The following PLCB1 variants were observed in gnomAD, a reference collection of about 807,000 sequenced individuals.
The protein encoded by PLCB1 is 1-phosphatidylinositol 4,5-bisphosphate phosphodiesterase beta-1.
Under a neutral mutation model 161.8 loss-of-function variants are expected in PLCB1, and 46 were observed. That is an observed-to-expected ratio of 0.28 (90% confidence interval 0.22 to 0.36). The LOEUF (loss-of-function observed/expected upper bound fraction) is 0.36, where lower values mean the gene tolerates loss of function less well. PLCB1 is among the 10% of genes least tolerant of loss of function. The pLI, the probability that PLCB1 is intolerant of heterozygous loss-of-function variation, is 1.00. For missense variants in PLCB1, 1,016 were observed against 1,472.5 expected, an observed-to-expected ratio of 0.69 and a Z score of 5.07; for synonymous variants, 517 against 503.7, an observed-to-expected ratio of 1.03 and a Z score of -0.35.
intron 9 of PLCB1, among the ~76,000 whole-genome samples, chr20:8,661,773 G>C (rs1166678953): frequency 6.6e-6 from 1 of 150,406 alleles, no homozygotes; most frequent in African/African-American, 2.4e-5. Flanking sequence ...GAAGCACACA[G>C]TCTCTGGTGT....
chr20:8,403,547 G>A (rs1437182093), intron 3 of PLCB1, among the ~76,000 whole-genome samples: 1 of 152,188 alleles, frequency 6.6e-6, no homozygotes, highest in African/African-American at 2.4e-5. Flanking sequence ...AGGAAGATGG[G>A]CAAGGCTTCA....
intron 3 of PLCB1, among the ~76,000 whole-genome samples, chr20:8,591,093 G>A (rs1048089526): frequency 2.0e-5 from 3 of 152,050 alleles, no homozygotes; most frequent in African/African-American, 4.8e-5. Context: ...CTGTTCCTGC[G>A]TTAGTTTGCT....
intron 31 of PLCB1, among the ~76,000 whole-genome samples, chr20:8,801,671 T>TA (rs1984287054): frequency 6.6e-6 from 1 of 152,210 alleles, no homozygotes; most frequent in Admixed American, 6.5e-5. Flanking sequence ...GTAGTGCCCT[T>TA]AAGCCCAGAC....
At chr20:8,855,735 G>A (rs555097721) in intron 31 of PLCB1, among the ~76,000 whole-genome samples, 1 of 152,110 alleles carries the variant, frequency 6.6e-6, no homozygotes, top group East Asian at 1.9e-4. Flanking sequence ...AACCATAAGG[G>A]GGGAAAACTA....
intron 15 of PLCB1, among the ~76,000 whole-genome samples, chr20:8,722,632 C>T (rs1303857822): frequency 6.6e-6 from 1 of 152,144 alleles, no homozygotes; most frequent in Admixed American, 6.6e-5. Context: ...AGAACTGTGA[C>T]ATTCATTGCA....
chr20:8,339,315 C>T (rs1348412896), intron 2 of PLCB1, among the ~76,000 whole-genome samples: 3 of 152,128 alleles, frequency 2.0e-5, no homozygotes. Flanking sequence ...GTCACTTGCT[C>T]CTCATGTGGG....
chr20:8,420,390 T>A (rs545741192), intron 3 of PLCB1, among the ~76,000 whole-genome samples: 10 of 152,344 alleles, frequency 6.6e-5, no homozygotes, highest in South Asian at 6.2e-4. Context: ...ATATATTTTT[T>A]AAAATTCTTG....
At chr20:8,617,743 G>A (rs1283542960) in intron 3 of PLCB1, among the ~76,000 whole-genome samples, 1 of 152,144 alleles carries the variant, frequency 6.6e-6, no homozygotes, top group Non-Finnish European at 1.5e-5. Context: ...TTAGGTCGAA[G>A]TGGAATTGTG....
chr20:8,323,020 C>T (rs1020233923), intron 2 of PLCB1, among the ~76,000 whole-genome samples: 1 of 152,124 alleles, frequency 6.6e-6, no homozygotes, highest in Non-Finnish European at 1.5e-5. Flanking sequence ...CTGATGCAGC[C>T]CGATCTCCAG....
chr20:8,148,602 G>A (rs1440585325), intron 1 of PLCB1, among the ~76,000 whole-genome samples: 1 of 152,124 alleles, frequency 6.6e-6, no homozygotes, highest in Non-Finnish European at 1.5e-5. Flanking sequence ...GTGCCCCTAT[G>A]TTCATAACAG....
At chr20:8,140,752 G>T (rs376802834) in intron 1 of PLCB1, among the ~76,000 whole-genome samples, 1 of 151,978 alleles carries the variant, frequency 6.6e-6, no homozygotes, top group Non-Finnish European at 1.5e-5. Context: ...TGATGTCCCC[G>T]AACAGGGTCC....
intron 10 of PLCB1, among the ~76,000 whole-genome samples, chr20:8,689,732 CTTCTTCTAAATTAAT>C (rs1456622790): frequency 6.6e-6 from 1 of 151,674 alleles, no homozygotes; most frequent in Non-Finnish European, 1.5e-5. Flanking sequence ...AAATTAATTT[CTTCTTCTAAATTAAT>C]TTCTTCTGAA....
chr20:8,533,191 A>C (rs1164239234), intron 3 of PLCB1, among the ~76,000 whole-genome samples: 1 of 151,978 alleles, frequency 6.6e-6, no homozygotes, highest in African/African-American at 2.4e-5. Context: ...AAGGACATGA[A>C]CTCATCATTT....
In PLCB1 at chr20:8,132,566, GCCCGCGC is replaced by G. The variant is rs557757528; in HGVS notation, c.-64_-58del. The G allele has an allele frequency of 3.2e-4, 266 of 825,398 alleles. No individual in the cohort carries two copies. Among genetic ancestry groups the G allele is most frequent in the East Asian group, 7.8e-4 (23 of 29,496 alleles). The allele number at this position is 825,398 out of a possible 1,614,324, so 51.1% of individuals were successfully genotyped here. ...GAGCGCCTCCGGAGCAGAGAAAGGA[GCCCGCGC>G]CCCGCGCCCCGCGCCCCGCGCACGG... On this transcript the variant is annotated 5_prime_UTR_variant, in exon 1 of 32. The change creates a premature stop within an existing upstream ORF in the 5' untranslated region. Transcript: ENST00000338037. The surrounding 1 kb of genome is among the most constrained non-coding windows in gnomAD (Gnocchi z 5.2).
At chr20:8,683,216 A>G (rs1299798741) in intron 9 of PLCB1, among the ~76,000 whole-genome samples, 1 of 152,048 alleles carries the variant, frequency 6.6e-6, no homozygotes, top group Non-Finnish European at 1.5e-5. Context: ...AAAGAATTAT[A>G]CACACACACG....
Position 8,883,493 on chromosome 20 carries a change from T to C in PLCB1, c.*1644T>C, listed in dbSNP as rs193061195. The C allele has an allele frequency of 6.0e-4, 91 of 152,204 alleles. No homozygotes were observed. The East Asian group carries it at 0.015, about 26-fold the overall frequency. The allele number at this position is 152,204 out of a possible 1,614,324, so 9.4% of individuals were successfully genotyped here. On this transcript the variant is annotated 3_prime_UTR_variant, in exon 32 of 32. Transcript: ENST00000338037. ...CAGAAGCCAGATGCTCACAGTTTTATTTTACTTTAAAATAAACCTGTCTGA... is the reference window on the plus strand; with the variant it reads ...CAGAAGCCAGATGCTCACAGTTTTACTTTACTTTAAAATAAACCTGTCTGA...
chr20:8,354,122 C>A (rs774291821), intron 2 of PLCB1, among the ~76,000 whole-genome samples: 6 of 151,674 alleles, frequency 4.0e-5, no homozygotes, highest in Non-Finnish European at 7.4e-5. Flanking sequence ...TACAGAATTT[C>A]TATTTGAGAA....
chr20:8,137,749 C>A (rs1206916246), intron 1 of PLCB1, among the ~76,000 whole-genome samples: 1 of 152,238 alleles, frequency 6.6e-6, no homozygotes, highest in Non-Finnish European at 1.5e-5. Flanking sequence ...GTGCTCTCTT[C>A]CAGTCCCTAC....
rs73895768 is a variant in PLCB1 at position 8,300,372 on chromosome 20, A to G, written c.178-71010A>G. On this transcript the variant is annotated intron_variant, in intron 2 of 31. Coordinates refer to ENST00000338037, the MANE Select transcript of PLCB1 (RefSeq NM_015192.4). ...AATGGAGATCTGTTAGTTCCATAAT[A>G]AGGACGGGGATATAGAGAGGATGAT... Among the ~76,000 whole-genome samples the G allele has an allele frequency of 3.0e-3, 462 of 152,252 alleles. 3 individuals carry two copies. The highest frequency in any genetic ancestry group is 0.011 in the African/African-American group (444 of 41,536).
Sources: gnomAD v4.1 joint callset for allele counts (sites outside exome capture counted in the v4.1 genomes callset) on GRCh38, gnomAD v4.1.1 for gene constraint, Gnocchi (gnomAD v3.1) non-coding constraint, MANE v1.5 for transcripts, NCBI Gene and HGNC (gene_info 2026-07-23, HGNC 2026-07-21) for gene names.